The following PDE1A variants were observed in gnomAD, a reference collection of about 807,000 sequenced individuals.
PDE1A encodes dual specificity calcium/calmodulin-dependent 3',5'-cyclic nucleotide phosphodiesterase 1A.
A neutral mutation model predicts 61.7 loss-of-function variants in PDE1A; 35 were observed. The observed-to-expected ratio is 0.57, with a 90% CI of 0.43 to 0.75. PDE1A has a LOEUF of 0.75. PDE1A is among the 30% of genes least tolerant of loss of function. The pLI, the probability that PDE1A is intolerant of heterozygous loss-of-function variation, is 0.00. For synonymous variants in PDE1A, 232 were observed against 213.2 expected (o/e 1.09, Z -0.77); for missense variants, 597 against 630.6 (o/e 0.95, Z 0.57).
At chr2:182,353,970 T>A (rs949336102) in intron 1 of PDE1A, among the ~76,000 whole-genome samples, 2 of 152,112 alleles carry the variant, frequency 1.3e-5, no homozygotes, top group Admixed American at 1.3e-4. Flanking sequence ...CTGTATACCT[T>A]TGAAAATATA....
chr2:182,266,738 G>A (rs1044999296), intron 1 of PDE1A, among the ~76,000 whole-genome samples: 14 of 152,124 alleles, frequency 9.2e-5, no homozygotes, highest in Admixed American at 3.3e-4. Flanking sequence ...TAACTGTACC[G>A]GAAGGAGTTC....
intron 13 of PDE1A, among the ~76,000 whole-genome samples, chr2:182,174,576 C>G (rs961700195): frequency 2.0e-5 from 3 of 151,998 alleles, no homozygotes; most frequent in Non-Finnish European, 4.4e-5. Context: ...AGGGCAAATT[C>G]ACTATTCATA....
At position 182,328,399 on chromosome 2, in the gene PDE1A, C is replaced by T. The variant is rs555911088; in HGVS notation, c.54-63985G>A. The stretch of plus-strand genomic sequence containing the variant: ...AAGAATAACATAGAAAGAAATGGAA[C>T]GAGGGCATTGAGAGTACATGGAAGG... On this transcript the variant is annotated intron_variant, in intron 1 of 13. Transcript: ENST00000351439. Among the ~76,000 whole-genome samples the T allele has an allele frequency of 2.1e-3, 319 of 151,966 alleles. 4 individuals carry two copies. The highest frequency in any genetic ancestry group is 6.8e-3 in the Middle Eastern group (2 of 292).
At chr2:182,197,769 A>G (rs184199094) in intron 10 of PDE1A, among the ~76,000 whole-genome samples, 25 of 151,936 alleles carry the variant, frequency 1.6e-4, no homozygotes, top group South Asian at 1.0e-3. Flanking sequence ...GCCTAGCCCT[A>G]TGCCCTATGC....
chr2:182,234,572 G>A, intron 3 of PDE1A, 74 bp from the exon 4 acceptor site: 1 of 957,430 alleles, frequency 1.0e-6, no homozygotes, highest in Non-Finnish European at 1.6e-6. Flanking sequence ...TAAATATCAG[G>A]GAAAAGATTA....
chr2:182,289,794 A>G (rs1694405875), intron 1 of PDE1A, among the ~76,000 whole-genome samples: 1 of 152,050 alleles, frequency 6.6e-6, no homozygotes, highest in Non-Finnish European at 1.5e-5. Context: ...CTAACCTACG[A>G]GTTACTTTTT....
intron 2 of PDE1A, among the ~76,000 whole-genome samples, chr2:182,466,949 A>C (rs539843045): frequency 6.6e-6 from 1 of 152,144 alleles, no homozygotes; most frequent in South Asian, 2.1e-4. Flanking sequence ...CTCTTCCCAT[A>C]CGGGTATACT....
chr2:182,499,370 G>T (rs1688952385), intron 2 of PDE1A, among the ~76,000 whole-genome samples: 1 of 151,896 alleles, frequency 6.6e-6, no homozygotes, highest in Non-Finnish European at 1.5e-5. Flanking sequence ...TAGAGACAGG[G>T]TTTCACCATG....
At chr2:182,520,913 G>A (rs957558612) in intron 2 of PDE1A, among the ~76,000 whole-genome samples, 1 of 151,950 alleles carries the variant, frequency 6.6e-6, no homozygotes, top group African/African-American at 2.4e-5. Flanking sequence ...AGGATTACTT[G>A]TTCCGCTAGA....
chr2:182,419,518 C>T (rs1391887436), intron 1 of PDE1A, among the ~76,000 whole-genome samples: 1 of 151,794 alleles, frequency 6.6e-6, no homozygotes, highest in East Asian at 1.9e-4. Context: ...TTTTCTCATT[C>T]TTTAATAAGG....
At position 182,518,983 on chromosome 2, in the gene PDE1A, G is replaced by GA. The variant is rs1360963619; in HGVS notation, c.101+3292dup. ...GTGTGGAACTCTTTGTATGTTTAGAGAAAAAAAAAGCAACAGTACATGACA... is the reference window on the plus strand; with the variant it reads ...GTGTGGAACTCTTTGTATGTTTAGAGAAAAAAAAAAGCAACAGTACATGACA... On this transcript the variant is annotated intron_variant, in intron 2 of 14. Transcript: ENST00000410103. Among the ~76,000 whole-genome samples, 9 of 149,206 alleles carry GA rather than the reference G, an allele frequency of 6.0e-5. No individual in the cohort carries two copies. The South Asian group carries it at 1.1e-3, about 18-fold the overall frequency.
the PDE1A span, among the ~76,000 whole-genome samples, chr2:182,624,124 CAAAAAA>C: frequency 9.1e-6 from 1 of 110,020 alleles, no homozygotes; most frequent in Non-Finnish European, 1.8e-5. Flanking sequence ...GACTCCGTCT[CAAAAAA>C]AAAAAAAAAA....
intron 2 of PDE1A, among the ~76,000 whole-genome samples, chr2:182,437,316 T>G (rs1268478587): frequency 2.0e-5 from 3 of 152,078 alleles, no homozygotes; most frequent in East Asian, 1.9e-4. Context: ...TAAGGTAATT[T>G]TCTCTTTGAA....
At chr2:182,658,929 A>C in the PDE1A span, among the ~76,000 whole-genome samples, 1 of 152,082 alleles carries the variant, frequency 6.6e-6, no homozygotes, top group African/African-American at 2.4e-5. Flanking sequence ...AAAGGGTGAA[A>C]TTTCTGCAAA....
intron 1 of PDE1A, among the ~76,000 whole-genome samples, chr2:182,415,738 C>T (rs940805456): frequency 3.3e-5 from 5 of 152,190 alleles, no homozygotes; most frequent in East Asian, 3.9e-4. Flanking sequence ...CACAGTAAAT[C>T]GTATGACACT....
chr2:182,371,413 T>C (rs1700122438), intron 1 of PDE1A, among the ~76,000 whole-genome samples: 1 of 152,182 alleles, frequency 6.6e-6, no homozygotes, highest in African/African-American at 2.4e-5. Context: ...CTTATTCTGA[T>C]AAAAGTTTAT....
the PDE1A span, among the ~76,000 whole-genome samples, chr2:182,701,372 C>T: frequency 5.7e-5 from 8 of 140,962 alleles, no homozygotes; most frequent in South Asian, 1.4e-3. Context: ...TTATCCTAAA[C>T]GTTAAGGTTT....
At chr2:182,572,460 T>C in the PDE1A span, among the ~76,000 whole-genome samples, 2 of 152,198 alleles carry the variant, frequency 1.3e-5, no homozygotes, top group Admixed American at 6.5e-5. Flanking sequence ...TCACAATCAC[T>C]ATAAACCAGT....
the PDE1A span, among the ~76,000 whole-genome samples, chr2:182,532,945 C>CA: frequency 0.016 from 329 of 21,168 alleles, 95 homozygotes; most frequent in Middle Eastern, 0.17. Flanking sequence ...GACTCCGTCT[C>CA]AAAAAAAAAA....
Sources: gnomAD v4.1 joint callset for allele counts (sites outside exome capture counted in the v4.1 genomes callset) on GRCh38, gnomAD v4.1.1 for gene constraint, MANE v1.5 for transcripts, NCBI Gene and HGNC (gene_info 2026-07-23, HGNC 2026-07-21) for gene names.